JAK2: variants seen among roughly 807,000 people sequenced by gnomAD.
JAK2 encodes the protein tyrosine-protein kinase JAK2.
A neutral mutation model predicts 139.3 loss-of-function variants in JAK2; 86 were observed. That is an observed-to-expected ratio of 0.62 (90% CI 0.52 to 0.74). The LOEUF (loss-of-function observed/expected upper bound fraction) is 0.74, where lower values mean the gene tolerates loss of function less well. Ranked by LOEUF, JAK2 falls within the 30% of genes least tolerant of loss-of-function variation. The pLI, the probability that JAK2 is intolerant of heterozygous loss-of-function variation, is 0.00. For synonymous variants in JAK2, 490 were observed against 437.7 expected (o/e 1.12, Z -1.49); for missense variants, 1,421 against 1,360.3 (o/e 1.04, Z -0.70).
At chr9:4,986,852 A>G (rs1819974082) in intron 2 of JAK2, among the ~76,000 whole-genome samples, 1 of 152,196 alleles carries the variant, frequency 6.6e-6, no homozygotes, top group Admixed American at 6.5e-5. Flanking sequence ...CAAAGTTTGT[A>G]TTAAGTACCT....
chr9:5,075,292 G>T (rs1450983575), intron 14 of JAK2, among the ~76,000 whole-genome samples: 1 of 152,214 alleles, frequency 6.6e-6, no homozygotes, highest in African/African-American at 2.4e-5. Flanking sequence ...CTAACAAACA[G>T]ATTTTCAAAT....
Position 5,090,809 on chromosome 9 carries a change from A to C in JAK2, c.2957A>C (p.Asn986Thr). 6.2e-7 allele frequency: 1 copy of C among 1,613,654 alleles called. No individual in the cohort carries two copies. The highest frequency in any genetic ancestry group is 8.5e-7 in the Non-Finnish European group (1 of 1,179,676). ...DLATRNILVENENRVKIGDFG... is the reference protein window; with the variant it reads ...DLATRNILVETENRVKIGDFG... ...GCAACGAGAAATATATTGGTGGAGA[A>C]CGAGAACAGAGTTAAAATTGGAGAT... is the stretch of plus-strand genomic sequence containing the variant. The change falls in exon 22 of 25, where the codon AAC (asparagine) becomes ACC (threonine). Residue 986 changes from asparagine to threonine, a missense_variant. By Grantham distance (65) the Asn-to-Thr change is moderately conservative. Transcript: ENST00000381652.
chr9:5,092,691 C>G (rs528473521), intron 22 of JAK2, among the ~76,000 whole-genome samples: 1 of 152,164 alleles, frequency 6.6e-6, no homozygotes, highest in East Asian at 1.9e-4. Flanking sequence ...TAGCCAAGTC[C>G]CCCGAAACCA....
intron 22 of JAK2, among the ~76,000 whole-genome samples, chr9:5,116,978 G>C (rs1823242435): frequency 1.3e-5 from 2 of 152,236 alleles, no homozygotes; most frequent in African/African-American, 4.8e-5. Flanking sequence ...ACGATTGGTT[G>C]AATTGACCTC....
chr9:5,096,517 G>C (rs1008286828), intron 22 of JAK2: 2 of 152,280 alleles, frequency 1.3e-5, no homozygotes, highest in African/African-American at 4.8e-5. Context: ...GTGGTAGGCC[G>C]GAGAAGCCCT....
chr9:5,119,069 TATC>T (rs1395291708), intron 22 of JAK2, among the ~76,000 whole-genome samples: 3 of 152,174 alleles, frequency 2.0e-5, no homozygotes, highest in Admixed American at 6.5e-5. Flanking sequence ...TAACATATTT[TATC>T]ATGTTTTAAA....
At chr9:5,003,822 AT>A (rs1821089571) in intron 2 of JAK2, among the ~76,000 whole-genome samples, 2 of 151,178 alleles carry the variant, frequency 1.3e-5, no homozygotes. Context: ...ACCATTAGGT[AT>A]ATTGTTTTTT....
At chr9:5,040,856 A>T in intron 4 of JAK2, 1 of 227,616 alleles carries the variant, frequency 4.4e-6, no homozygotes, top group South Asian at 4.4e-5. Context: ...CGCGAGCAGG[A>T]GAGGGGCCGG....
In JAK2 at chr9:5,055,746, A is replaced by G. The variant is rs761540696; in HGVS notation, c.1014A>G (p.Glu338=). The part of the protein sequence containing the change: ...IKQANQEGSN[E]SRVVTIHKQD... ...AAGCAAACCAAGAGGGTTCAAATGAAAGCCGAGTTGTAACTATCCATAAGC... is the reference window on the plus strand; with the variant it reads ...AAGCAAACCAAGAGGGTTCAAATGAGAGCCGAGTTGTAACTATCCATAAGC... The change falls in exon 8 of 25, where the codon GAA becomes GAG. Residue 338 remains glutamate (E), a synonymous_variant. Transcript: ENST00000381652. The G allele has an allele frequency of 1.9e-6, 3 of 1,611,020 alleles. No homozygotes were observed. The Admixed American group carries it at 5.0e-5, about 27-fold the overall frequency.
intron 4 of JAK2, among the ~76,000 whole-genome samples, chr9:5,043,216 C>T (rs1045132718): frequency 1.3e-5 from 2 of 151,978 alleles, no homozygotes; most frequent in Admixed American, 6.5e-5. Context: ...GTGCCCAGGG[C>T]GGTGGCCGTG....
At chr9:4,995,217 G>T (rs1224026879) in intron 2 of JAK2, among the ~76,000 whole-genome samples, 1 of 152,010 alleles carries the variant, frequency 6.6e-6, no homozygotes, top group African/African-American at 2.4e-5. Flanking sequence ...CTTTCTATTG[G>T]ATTTGTGGTC....
At chr9:5,114,476 C>T (rs1157465439) in intron 22 of JAK2, 21 of 465,946 alleles carry the variant, frequency 4.5e-5, no homozygotes, top group Non-Finnish European at 6.8e-5. Flanking sequence ...CCAAGATCAG[C>T]GGCCCATGTG....
intron 6 of JAK2, 145 bp downstream of exon 6, chr9:5,050,976 C>T (rs2130380534): frequency 1.3e-6 from 1 of 763,680 alleles, no homozygotes; most frequent in Non-Finnish European, 2.1e-6. Flanking sequence ...ATCAGAAATG[C>T]TTCAGATTTT....
At chr9:4,988,372 T>C (rs12346713) in intron 2 of JAK2, among the ~76,000 whole-genome samples, 4,303 of 152,332 alleles carry the variant, frequency 0.028, 182 homozygotes, top group African/African-American at 0.093. Context: ...TGAAAATGAA[T>C]GTAGAACAGG....
intron 9 of JAK2, 44 bp downstream of exon 9, chr9:5,065,084 G>A (rs748185653): frequency 2.3e-6 from 3 of 1,292,784 alleles, no homozygotes; most frequent in Non-Finnish European, 3.1e-6. Context: ...AAAAGTAAAT[G>A]CTGTATTTAC....
At chr9:5,004,070 A>G (rs1039476436) in intron 2 of JAK2, among the ~76,000 whole-genome samples, 5 of 152,198 alleles carry the variant, frequency 3.3e-5, no homozygotes, top group African/African-American at 1.2e-4. Flanking sequence ...TGTTATATGT[A>G]TACATTGCAG....
intron 22 of JAK2, among the ~76,000 whole-genome samples, chr9:5,120,092 G>A (rs1465466554): frequency 6.6e-6 from 1 of 152,224 alleles, no homozygotes; most frequent in African/African-American, 2.4e-5. Context: ...TGAAAAAAGT[G>A]CTGGCAGGTT....
In JAK2 at chr9:5,039,865, T is replaced by A. The variant is rs755625604; in HGVS notation, c.351-4538T>A. Among the ~76,000 whole-genome samples the A allele has an allele frequency of 6.8e-4, 103 of 152,312 alleles. 1 individual carries two copies. Among genetic ancestry groups the A allele is most frequent in the Admixed American group, 3.3e-4 (5 of 15,308 alleles). ...GAAAGATATCTCATAGAGGACTTCA[T>A]ATTTTTAAGATGGCAATACTCCTTA... On this transcript the variant is annotated intron_variant, in intron 4 of 24. Transcript: ENST00000381652.
At chr9:4,999,080 C>T (rs1397268154) in intron 2 of JAK2, among the ~76,000 whole-genome samples, 7 of 152,128 alleles carry the variant, frequency 4.6e-5, no homozygotes. Context: ...CTGCCTCGGC[C>T]TCCCAAAGTG....
Sources: gnomAD v4.1 joint callset for allele counts (sites outside exome capture counted in the v4.1 genomes callset) on GRCh38, gnomAD v4.1.1 for gene constraint, MANE v1.5 for transcripts, NCBI Gene and HGNC (gene_info 2026-07-23, HGNC 2026-07-21) for gene names.